Variants in IFT56 observed in about 807,000 individuals in gnomAD.
IFT56 encodes intraflagellar transport protein 56.
chr7:139,165,610 C>T, the IFT56 span, among the ~76,000 whole-genome samples: 2 of 152,052 alleles, frequency 1.3e-5, no homozygotes. Flanking sequence ...AAAGTATTAA[C>T]TGTTTCTTAT....
chr7:139,159,315 G>A, the IFT56 span, among the ~76,000 whole-genome samples: 1 of 151,944 alleles, frequency 6.6e-6, no homozygotes, highest in African/African-American at 2.4e-5. Context: ...GTTATTTTTG[G>A]TAAGTTGTAT....
the IFT56 span, among the ~76,000 whole-genome samples, chr7:139,145,611 T>C: frequency 6.6e-6 from 1 of 152,052 alleles, no homozygotes; most frequent in African/African-American, 2.4e-5. Flanking sequence ...AGACAGGGTA[T>C]TACCATGTTG....
At chr7:139,146,095 T>G in the IFT56 span, among the ~76,000 whole-genome samples, 1 of 152,208 alleles carries the variant, frequency 6.6e-6, no homozygotes. Context: ...GGCTTTTCAC[T>G]TAAAAATGTA....
chr7:139,158,091 A>G, the IFT56 span, among the ~76,000 whole-genome samples: 1 of 152,104 alleles, frequency 6.6e-6, no homozygotes, highest in Non-Finnish European at 1.5e-5. Flanking sequence ...AGGCAGGCAG[A>G]TCACTTGAGG....
the IFT56 span, chr7:139,146,905 T>C: frequency 9.2e-7 from 1 of 1,089,824 alleles, no homozygotes; most frequent in Non-Finnish European, 1.3e-6. Flanking sequence ...GGTCAAATAG[T>C]ATTAACTGTA....
the IFT56 span, chr7:139,172,926 C>G: frequency 1.4e-6 from 1 of 720,138 alleles, no homozygotes; most frequent in Non-Finnish European, 2.6e-6. Flanking sequence ...GGTGCAGGAA[C>G]AGCTTGGTTA....
the IFT56 span, among the ~76,000 whole-genome samples, chr7:139,188,498 A>ATG: frequency 2.0e-5 from 3 of 152,240 alleles, no homozygotes; most frequent in Non-Finnish European, 4.4e-5. Flanking sequence ...TGAATAGGAA[A>ATG]TGTGTTAATT....
the IFT56 span, chr7:139,134,678 T>C: frequency 6.2e-7 from 1 of 1,612,580 alleles, no homozygotes; most frequent in South Asian, 1.1e-5. Context: ...CCAAACCTGC[T>C]GTAGGCAGAG....
At chr7:139,150,178 T>C in the IFT56 span, among the ~76,000 whole-genome samples, 2 of 152,324 alleles carry the variant, frequency 1.3e-5, no homozygotes, top group Non-Finnish European at 2.9e-5. Flanking sequence ...CTTGGGGTAA[T>C]AGTCATTTCA....
At chr7:139,146,931 A>G in the IFT56 span, 30 of 1,429,972 alleles carry the variant, frequency 2.1e-5, no homozygotes, top group Admixed American at 1.4e-4. Flanking sequence ...AGGGCTTTCC[A>G]TTGTCGTTGT....
At chr7:139,134,311 G>T in the IFT56 span, among the ~76,000 whole-genome samples, 2 of 148,980 alleles carry the variant, frequency 1.3e-5, no homozygotes, top group South Asian at 4.3e-4. Context: ...TCGCTTTGTC[G>T]CCCAGGTTGG....
chr7:139,173,646 C>T, the IFT56 span: 2 of 780,908 alleles, frequency 2.6e-6, no homozygotes, highest in South Asian at 1.3e-5. Context: ...ACATTCTTTT[C>T]TTCTGGGATA....
At chr7:139,135,598 C>T in the IFT56 span, among the ~76,000 whole-genome samples, 8 of 152,286 alleles carry the variant, frequency 5.3e-5, no homozygotes, top group South Asian at 1.5e-3. Context: ...AATAAGATAT[C>T]GATTCCTGGG....
the IFT56 span, chr7:139,173,116 TGTGGCATGGATGG>T: frequency 1.4e-6 from 1 of 708,640 alleles, no homozygotes; most frequent in East Asian, 2.5e-5. Flanking sequence ...CTCTGTGGAC[TGTGGCATGGATGG>T]ATTCAACAAA....
chr7:139,176,495 A>G, the IFT56 span, among the ~76,000 whole-genome samples: 1 of 152,206 alleles, frequency 6.6e-6, no homozygotes, highest in Non-Finnish European at 1.5e-5. Flanking sequence ...ATGTTCACCT[A>G]TATTGCCCAC....
the IFT56 span, among the ~76,000 whole-genome samples, chr7:139,186,578 T>G: frequency 2.0e-5 from 3 of 152,096 alleles, no homozygotes; most frequent in Admixed American, 1.3e-4. Context: ...TTTAAAAGAT[T>G]TAGTGTTTAG....
At chr7:139,137,766 A>T in the IFT56 span, 1 of 1,167,724 alleles carries the variant, frequency 8.6e-7, no homozygotes, top group Admixed American at 1.8e-5. Flanking sequence ...GTTGTCAGTA[A>T]CCCAACGTAG....
chr7:139,133,778 A>G, the IFT56 span: 34 of 1,596,534 alleles, frequency 2.1e-5, no homozygotes, highest in South Asian at 3.4e-4. Context: ...CCGTGGAGAC[A>G]GAACGTGCTG....
the IFT56 span, among the ~76,000 whole-genome samples, chr7:139,136,723 G>A: frequency 2.0e-5 from 3 of 152,098 alleles, no homozygotes; most frequent in Non-Finnish European, 4.4e-5. Context: ...CCTGCTTCTG[G>A]CCTCCCAAAA....
Sources: gnomAD v4.1 joint callset for allele counts (sites outside exome capture counted in the v4.1 genomes callset) on GRCh38, gnomAD v4.1.1 for gene constraint, MANE v1.5 for transcripts, NCBI Gene and HGNC (gene_info 2026-07-23, HGNC 2026-07-21) for gene names.